Variants in MCTP1 observed in about 807,000 individuals in gnomAD.
The protein encoded by MCTP1 is multiple C2 and transmembrane domain-containing protein 1.
Under a neutral mutation model 120.6 loss-of-function variants are expected in MCTP1, and 69 were observed. That is an observed-to-expected ratio of 0.57 (90% CI 0.47 to 0.70). The LOEUF (loss-of-function observed/expected upper bound fraction) is 0.70, where lower values mean the gene tolerates loss of function less well. MCTP1 is among the 30% of genes least tolerant of loss of function. The probability of loss-of-function intolerance (pLI) is 0.00; values close to 1 mark genes in which losing one functional copy is unlikely to be tolerated. For synonymous variants in MCTP1, 529 were observed against 493.1 expected (o/e 1.07, Z -0.96); for missense variants, 1,203 against 1,248.8 (o/e 0.96, Z 0.55).
At chr5:95,104,761 A>G (rs1756972034) in intron 1 of MCTP1, among the ~76,000 whole-genome samples, 1 of 152,218 alleles carries the variant, frequency 6.6e-6, no homozygotes, top group Non-Finnish European at 1.5e-5. Flanking sequence ...TTCTCATAAC[A>G]AAAGACAGTT....
intron 1 of MCTP1, among the ~76,000 whole-genome samples, chr5:95,044,244 A>C (rs1205932548): frequency 6.6e-6 from 1 of 152,206 alleles, no homozygotes; most frequent in South Asian, 2.1e-4. Flanking sequence ...CAATGGAACG[A>C]ATTTCTTTTC....
chr5:95,189,615 T>C (rs1213969429), intron 1 of MCTP1, among the ~76,000 whole-genome samples: 4 of 152,018 alleles, frequency 2.6e-5, no homozygotes, highest in South Asian at 2.1e-4. Context: ...GTCAAGGAAA[T>C]AGGGCACATT....
chr5:94,902,439 A>G (rs967059165), intron 10 of MCTP1, among the ~76,000 whole-genome samples: 1 of 152,164 alleles, frequency 6.6e-6, no homozygotes, highest in Non-Finnish European at 1.5e-5. Context: ...GAGATTTTGA[A>G]GCCATCATGA....
At chr5:94,923,032 A>C (rs555143567) in intron 7 of MCTP1, among the ~76,000 whole-genome samples, 46 of 149,056 alleles carry the variant, frequency 3.1e-4, no homozygotes, top group African/African-American at 1.1e-3. Flanking sequence ...GTGCATGTGC[A>C]TTCGAGCTGG....
chr5:95,086,505 C>T, intron 1 of MCTP1, among the ~76,000 whole-genome samples: 1 of 152,176 alleles, frequency 6.6e-6, no homozygotes, highest in East Asian at 1.9e-4. Context: ...TATAACCTTG[C>T]ATCCCAAAGA....
chr5:94,918,669 G>A (rs73776957), intron 7 of MCTP1, among the ~76,000 whole-genome samples: 2,270 of 152,290 alleles, frequency 0.015, 63 homozygotes, highest in African/African-American at 0.051. Context: ...AGCAGTTAAA[G>A]AAAGTTTCTT....
intron 1 of MCTP1, among the ~76,000 whole-genome samples, chr5:95,263,334 G>T (rs921214692): frequency 1.3e-5 from 2 of 152,128 alleles, no homozygotes; most frequent in Non-Finnish European, 2.9e-5. Flanking sequence ...GCCAAGCTAT[G>T]GATCAAAGCA....
rs968670847 is a variant in MCTP1 at position 94,889,462 on chromosome 5, C to G, written c.1840-490G>C. Among the ~76,000 whole-genome samples, 3 of 151,938 alleles carry G rather than the reference C, an allele frequency of 2.0e-5. No individual in the cohort carries two copies. In the South Asian group the frequency reaches 6.2e-4, roughly 32 times the overall value. ...AAAATTAGCCAGGCGTGGTGGCGGG[C>G]ACCTGTAATCCCAGCTACTCTGGAG... On this transcript the variant is annotated intron_variant, in intron 11 of 22. Transcript: ENST00000515393.
chr5:94,878,601 C>T (rs1222858384), intron 12 of MCTP1, among the ~76,000 whole-genome samples: 1 of 151,438 alleles, frequency 6.6e-6, no homozygotes, highest in Non-Finnish European at 1.5e-5. Flanking sequence ...AATATAATAC[C>T]AGAACTGTAT....
intron 18 of MCTP1, among the ~76,000 whole-genome samples, chr5:94,798,650 G>A (rs1430422233): frequency 1.3e-5 from 2 of 152,110 alleles, no homozygotes; most frequent in Admixed American, 1.3e-4. Context: ...CATTCACTTA[G>A]TTTGATCATT....
chr5:94,875,749 CTTTT>C (rs397960364), intron 12 of MCTP1, among the ~76,000 whole-genome samples: 1 of 138,438 alleles, frequency 7.2e-6, no homozygotes. Flanking sequence ...CAAGTCAGTT[CTTTT>C]TTTTTTTTTT....
chr5:95,145,165 A>G (rs1760276662), intron 1 of MCTP1, among the ~76,000 whole-genome samples: 1 of 152,090 alleles, frequency 6.6e-6, no homozygotes, highest in Admixed American at 6.5e-5. Context: ...GCTATTTTAA[A>G]TGGGATTGTG....
At chr5:95,215,871 A>T (rs1219173654) in intron 1 of MCTP1, among the ~76,000 whole-genome samples, 2 of 152,166 alleles carry the variant, frequency 1.3e-5, no homozygotes, top group African/African-American at 4.8e-5. Context: ...AAACACAGAC[A>T]CTTTGACTAA....
At chr5:95,009,962 A>G (rs1835588885) in intron 2 of MCTP1, among the ~76,000 whole-genome samples, 1 of 152,158 alleles carries the variant, frequency 6.6e-6, no homozygotes, top group Admixed American at 6.5e-5. Flanking sequence ...GAGATTCTGG[A>G]GAAGTCCAAA....
intron 20 of MCTP1, among the ~76,000 whole-genome samples, 189 bp from the exon 21 acceptor site, chr5:94,711,116 G>T (rs999581795): frequency 3.3e-5 from 5 of 152,112 alleles, no homozygotes; most frequent in Admixed American, 3.3e-4. Flanking sequence ...CAGGGCCCAA[G>T]TAAAGAGTCT....
intron 19 of MCTP1, among the ~76,000 whole-genome samples, chr5:94,775,972 T>G (rs1775220857): frequency 6.8e-6 from 1 of 147,554 alleles, no homozygotes; most frequent in South Asian, 2.1e-4. Flanking sequence ...ATATTATATA[T>G]ATATATATAT....
intron 1 of MCTP1, among the ~76,000 whole-genome samples, chr5:95,204,607 G>C (rs1052078752): frequency 2.0e-5 from 3 of 152,102 alleles, no homozygotes; most frequent in Admixed American, 6.5e-5. Context: ...AAATGACATG[G>C]TCTTGAATAT....
At chr5:95,146,378 A>G (rs1282769363) in intron 1 of MCTP1, among the ~76,000 whole-genome samples, 3 of 151,998 alleles carry the variant, frequency 2.0e-5, no homozygotes, top group East Asian at 1.9e-4. Flanking sequence ...TTGCATCTCA[A>G]TTTCATTCAG....
chr5:95,214,122 A>G (rs540004404), intron 1 of MCTP1, among the ~76,000 whole-genome samples: 2 of 152,298 alleles, frequency 1.3e-5, no homozygotes, highest in Non-Finnish European at 2.9e-5. Flanking sequence ...TCATTTGACA[A>G]AGGGCTAATA....
Sources: gnomAD v4.1 joint callset for allele counts (sites outside exome capture counted in the v4.1 genomes callset) on GRCh38, gnomAD v4.1.1 for gene constraint, MANE v1.5 for transcripts, NCBI Gene and HGNC (gene_info 2026-07-23, HGNC 2026-07-21) for gene names.